The following EPB41L5 variants were observed in gnomAD, a reference collection of about 807,000 sequenced individuals.
EPB41L5 encodes the protein band 4.1-like protein 5.
A neutral mutation model predicts 106.6 loss-of-function variants in EPB41L5; 55 were observed. That is an observed-to-expected ratio of 0.52 (90% CI 0.42 to 0.65). The LOEUF is 0.65. Ranked by LOEUF, EPB41L5 falls within the 30% of genes least tolerant of loss-of-function variation. The pLI is 0.00. For synonymous variants in EPB41L5, 297 were observed against 306.7 expected, an observed-to-expected ratio of 0.97 and a Z score of 0.33; for missense variants, 871 against 882.1, an observed-to-expected ratio of 0.99 and a Z score of 0.16.
chr2:120,128,562 A>G (rs1305344453), intron 17 of EPB41L5, among the ~76,000 whole-genome samples: 1 of 152,214 alleles, frequency 6.6e-6, no homozygotes. Flanking sequence ...ATACAATAAT[A>G]TTTAGTAATT....
intron 16 of EPB41L5, among the ~76,000 whole-genome samples, chr2:120,124,014 G>A (rs1685348011): frequency 6.6e-6 from 1 of 152,080 alleles, no homozygotes; most frequent in Non-Finnish European, 1.5e-5. Flanking sequence ...TCACATTGAG[G>A]GATGAAGAAT....
At chr2:120,090,908 A>G (rs965761042) in intron 12 of EPB41L5, among the ~76,000 whole-genome samples, 7 of 152,182 alleles carry the variant, frequency 4.6e-5, no homozygotes, top group Non-Finnish European at 1.0e-4. Flanking sequence ...GAAGGTCATT[A>G]TTCTCATGAC....
Position 120,105,533 on chromosome 2 carries a change from G to A in EPB41L5, c.1337+4719G>A, listed in dbSNP as rs575420527. 2.1e-4 allele frequency: 208 copies of A among 985,218 alleles called. No homozygotes were observed. In the Middle Eastern group the frequency reaches 3.1e-3, roughly 15 times the overall value. The allele number at this position is 985,218 out of a possible 1,614,324, so 61.0% of individuals were successfully genotyped here. ...AATGGTTGGTTGCAGTTTGTCCATA[G>A]AAGACCTAAATAAGCAGAACTGACT... On this transcript the variant is annotated intron_variant, in intron 16 of 24. Coordinates refer to ENST00000263713, the MANE Select transcript of EPB41L5 (RefSeq NM_020909.4).
chr2:120,160,997 A>C, intron 21 of EPB41L5, 23 bp downstream of exon 21: 1 of 1,593,822 alleles, frequency 6.3e-7, no homozygotes, highest in Non-Finnish European at 8.6e-7. Flanking sequence ...TTACTTCTTA[A>C]AATTTTTGCC....
chr2:120,027,581 T>G (rs952293818), intron 2 of EPB41L5, among the ~76,000 whole-genome samples: 33 of 152,202 alleles, frequency 2.2e-4, no homozygotes, highest in African/African-American at 7.5e-4. Flanking sequence ...TGGACTTTCT[T>G]TTTTTTAGGG....
At chr2:120,097,441 C>T (rs1166441450) in intron 14 of EPB41L5, among the ~76,000 whole-genome samples, 1 of 152,168 alleles carries the variant, frequency 6.6e-6, no homozygotes, top group African/African-American at 2.4e-5. Context: ...ACCTTGTATT[C>T]TGCAGTTTTG....
chr2:120,048,775 T>C (rs1415320915), intron 3 of EPB41L5, among the ~76,000 whole-genome samples: 1 of 152,238 alleles, frequency 6.6e-6, no homozygotes, highest in Non-Finnish European at 1.5e-5. Context: ...TCCTGCTTTC[T>C]CTTGTGGGCA....
At chr2:120,126,377 C>T (rs565484851) in intron 16 of EPB41L5, among the ~76,000 whole-genome samples, 2 of 152,124 alleles carry the variant, frequency 1.3e-5, no homozygotes, top group African/African-American at 4.8e-5. Context: ...CTTTACCCAC[C>T]CAAAGTCACA....
intron 20 of EPB41L5, among the ~76,000 whole-genome samples, chr2:120,147,871 A>AT (rs564915816): frequency 9.4e-4 from 143 of 152,156 alleles, no homozygotes; most frequent in Non-Finnish European, 1.8e-4. Context: ...TGAAGAATCT[A>AT]TTTTTCCCCT....
chr2:120,069,037 A>G lies in EPB41L5; in HGVS notation c.286-4141A>G, dbSNP rs368219499. Among the ~76,000 whole-genome samples the G allele has an allele frequency of 6.6e-4, 100 of 150,936 alleles. No individual in the cohort carries two copies. The South Asian group carries it at 1.0e-2, about 15-fold the overall frequency. On this transcript the variant is annotated intron_variant, in intron 3 of 24. Transcript: ENST00000263713. The stretch of plus-strand genomic sequence containing the variant: ...CAGCTACTTGGGAGGCTGAGGCAAG[A>G]AAATCTCTTGAATCCAGGATGCAGA...
intron 3 of EPB41L5, among the ~76,000 whole-genome samples, chr2:120,051,937 C>T (rs763895810): frequency 8.5e-5 from 13 of 152,138 alleles, no homozygotes; most frequent in Non-Finnish European, 2.9e-5. Context: ...AGTGATTCTT[C>T]TGCTTCAGCC....
intron 20 of EPB41L5, among the ~76,000 whole-genome samples, chr2:120,155,546 A>C (rs1324688475): frequency 1.3e-5 from 2 of 152,068 alleles, no homozygotes; most frequent in South Asian, 4.1e-4. Flanking sequence ...TCTTTTATCA[A>C]ACCTATTGAA....
At chr2:120,037,451 TGAAAA>T (rs1180349621) in intron 2 of EPB41L5, among the ~76,000 whole-genome samples, 1 of 152,150 alleles carries the variant, frequency 6.6e-6, no homozygotes, top group Non-Finnish European at 1.5e-5. Context: ...AAAACAATCT[TGAAAA>T]GAAGAAGAAA....
At chr2:120,150,611 G>A (rs113359742) in intron 20 of EPB41L5, among the ~76,000 whole-genome samples, 1 of 152,058 alleles carries the variant, frequency 6.6e-6, no homozygotes, top group African/African-American at 2.4e-5. Context: ...AAAAGTGTTG[G>A]GATTACAGGT....
intron 20 of EPB41L5, among the ~76,000 whole-genome samples, chr2:120,159,339 A>G (rs1687036512): frequency 6.8e-6 from 1 of 146,724 alleles, no homozygotes; most frequent in Admixed American, 6.9e-5. Flanking sequence ...AGGAGAATGG[A>G]GTGAACCTGG....
At chr2:120,047,841 A>G (rs1679914705) in intron 3 of EPB41L5, among the ~76,000 whole-genome samples, 1 of 152,162 alleles carries the variant, frequency 6.6e-6, no homozygotes, top group South Asian at 2.1e-4. Flanking sequence ...TTTCATCAAT[A>G]CCTAGTTTAT....
rs1275801006 is a variant in EPB41L5 at position 120,100,791 on chromosome 2, A to C, written c.1314A>C (p.Gly438=). The C allele has an allele frequency of 6.2e-7, 1 of 1,609,196 alleles. No homozygotes were observed. The part of the protein sequence containing the change: ...VEIENLPQSP[G]TDQHDRKCIP... ...TAGAGAATCTTCCACAGAGTCCTGG[A>C]ACAGACCAGCATGACAGGAAATGGT... The change falls in exon 16 of 25, where the codon GGA becomes GGC. Residue 438 remains glycine, a synonymous_variant. Coordinates refer to ENST00000263713, the MANE Select transcript of EPB41L5 (RefSeq NM_020909.4).
chr2:120,014,946 A>G (rs1342339606), intron 1 of EPB41L5, among the ~76,000 whole-genome samples: 2 of 145,782 alleles, frequency 1.4e-5, no homozygotes. Context: ...AAAAGTGAGT[A>G]TGAGAAAACT....
At chr2:120,117,400 A>G (rs953512996) in intron 16 of EPB41L5, among the ~76,000 whole-genome samples, 3 of 152,200 alleles carry the variant, frequency 2.0e-5, no homozygotes, top group Non-Finnish European at 2.9e-5. Flanking sequence ...TTGCACTTCA[A>G]ATTTACTTGG....
Sources: allele counts gnomAD v4.1 joint callset (sites outside exome capture counted in the v4.1 genomes callset), GRCh38; gene constraint gnomAD v4.1.1; transcripts MANE v1.5; gene names NCBI Gene and HGNC (gene_info 2026-07-23, HGNC 2026-07-21).